ST6GALNAC3: variants seen among roughly 807,000 people sequenced by gnomAD.
The protein encoded by ST6GALNAC3 is ST6 N-acetylgalactosaminide alpha-2,6-sialyltransferase 3.
Under a neutral mutation model 32.7 loss-of-function variants are expected in ST6GALNAC3, and 25 were observed. The ratio of observed to expected loss-of-function variants is 0.76; its 90% CI spans 0.56 to 1.07. ST6GALNAC3 has a LOEUF of 1.07. ST6GALNAC3 is among the 50% of genes least tolerant of loss of function. ST6GALNAC3 has a pLI of 0.00. For synonymous variants in ST6GALNAC3, 129 were observed against 133.1 expected (o/e 0.97, Z 0.21); for missense variants, 355 against 382.4 (o/e 0.93, Z 0.60).
intron 2 of ST6GALNAC3, among the ~76,000 whole-genome samples, chr1:76,409,089 C>T (rs901396677): frequency 3.9e-5 from 6 of 152,110 alleles, no homozygotes; most frequent in East Asian, 1.9e-4. Flanking sequence ...TAAATCAATG[C>T]GTGACCCCAA....
At chr1:76,417,163 T>C (rs1294465851) in intron 3 of ST6GALNAC3, among the ~76,000 whole-genome samples, 2 of 151,662 alleles carry the variant, frequency 1.3e-5, no homozygotes, top group Non-Finnish European at 2.9e-5. Context: ...GCAGATAGAG[T>C]AGGTTGCTTT....
intron 3 of ST6GALNAC3, among the ~76,000 whole-genome samples, chr1:76,449,201 A>G (rs897504267): frequency 2.0e-5 from 3 of 152,212 alleles, no homozygotes; most frequent in Non-Finnish European, 4.4e-5. Context: ...GGCTTATTTC[A>G]CTTAGTAATA....
intron 2 of ST6GALNAC3, among the ~76,000 whole-genome samples, chr1:76,359,265 TATCA>T (rs1473968156): frequency 6.6e-6 from 1 of 152,198 alleles, no homozygotes; most frequent in African/African-American, 2.4e-5. Flanking sequence ...TATGTTGAAG[TATCA>T]ATCCTTTTAC....
At chr1:76,498,727 G>GAA (rs55682036) in intron 3 of ST6GALNAC3, among the ~76,000 whole-genome samples, 11 of 143,108 alleles carry the variant, frequency 7.7e-5, no homozygotes, top group African/African-American at 2.7e-4. Flanking sequence ...CAACAAAGCA[G>GAA]AAAAAAAAAA....
intron 3 of ST6GALNAC3, among the ~76,000 whole-genome samples, chr1:76,486,969 T>A (rs1210154440): frequency 1.3e-5 from 2 of 152,176 alleles, no homozygotes; most frequent in African/African-American, 4.8e-5. Flanking sequence ...GGATTTTATT[T>A]CTCCTTCATT....
chr1:76,131,046 T>C (rs1325879237), intron 1 of ST6GALNAC3, among the ~76,000 whole-genome samples: 1 of 152,192 alleles, frequency 6.6e-6, no homozygotes, highest in Non-Finnish European at 1.5e-5. Context: ...GATACCCAGA[T>C]GGGGTATGTG....
chr1:76,112,821 G>A (rs116833362), intron 1 of ST6GALNAC3, among the ~76,000 whole-genome samples: 35,351 of 151,370 alleles, frequency 0.23, 4,835 homozygotes, highest in Admixed American at 0.32. Context: ...AGATGGGTTG[G>A]TGGCGGGGCA....
chr1:76,547,815 C>CCACTG (rs2100338740), intron 3 of ST6GALNAC3, among the ~76,000 whole-genome samples: 1 of 150,510 alleles, frequency 6.6e-6, no homozygotes, highest in Non-Finnish European at 1.5e-5. Flanking sequence ...CAGGATCGCG[C>CCACTG]CACTGCACTG....
intron 2 of ST6GALNAC3, chr1:76,353,515 G>C (rs1570936004): frequency 6.6e-6 from 1 of 152,630 alleles, no homozygotes; most frequent in East Asian, 1.9e-4. Context: ...GCTGAGGTTA[G>C]ACTGGGGCCC....
intron 2 of ST6GALNAC3, among the ~76,000 whole-genome samples, chr1:76,371,934 A>G (rs1204297294): frequency 2.0e-5 from 3 of 152,140 alleles, no homozygotes; most frequent in Admixed American, 2.0e-4. Context: ...CCTTTTGGTT[A>G]AGGAGCACAA....
At chr1:76,452,751 A>G (rs1657500860) in intron 3 of ST6GALNAC3, among the ~76,000 whole-genome samples, 1 of 151,730 alleles carries the variant, frequency 6.6e-6, no homozygotes, top group Non-Finnish European at 1.5e-5. Flanking sequence ...TTTTTTTGTT[A>G]TGTCATTTCC....
intron 3 of ST6GALNAC3, among the ~76,000 whole-genome samples, chr1:76,531,910 G>A (rs1459779733): frequency 6.6e-6 from 1 of 152,160 alleles, no homozygotes; most frequent in Non-Finnish European, 1.5e-5. Flanking sequence ...CCTGGGGCAT[G>A]TGGAAAGTGA....
chr1:76,227,256 C>T (rs1001919880), intron 1 of ST6GALNAC3, among the ~76,000 whole-genome samples: 23 of 152,176 alleles, frequency 1.5e-4, no homozygotes, highest in Non-Finnish European at 7.3e-5. Flanking sequence ...TGGCTGTAAA[C>T]AACCAGCATG....
intron 3 of ST6GALNAC3, among the ~76,000 whole-genome samples, chr1:76,620,321 C>T (rs149713407): frequency 6.6e-6 from 1 of 151,964 alleles, no homozygotes; most frequent in Non-Finnish European, 1.5e-5. Flanking sequence ...GTGACTAGAC[C>T]AAAGAGTTTA....
intron 1 of ST6GALNAC3, among the ~76,000 whole-genome samples, chr1:76,079,990 A>G (rs1263095123): frequency 6.6e-6 from 1 of 152,106 alleles, no homozygotes; most frequent in African/African-American, 2.4e-5. Context: ...TTGACTATCA[A>G]ATGTTAGGGA....
rs1261718279 is a variant in ST6GALNAC3 at position 76,119,402 on chromosome 1, G to A, written c.18+44518G>A. On this transcript the variant is annotated intron_variant, in intron 1 of 4. Coordinates refer to ENST00000328299, the MANE Select transcript of ST6GALNAC3 (RefSeq NM_152996.4). ...ACTCTATAATGGTCCCATTCTACTG[G>A]ACATTGGTCAGACTGCCATGTTCCA... is the stretch of plus-strand genomic sequence containing the variant. Among the ~76,000 whole-genome samples the A allele has an allele frequency of 3.9e-5, 6 of 152,168 alleles. No homozygotes were observed. The South Asian group carries it at 1.0e-3, about 26-fold the overall frequency.
intron 1 of ST6GALNAC3, among the ~76,000 whole-genome samples, chr1:76,276,561 A>G (rs374338201): frequency 6.6e-6 from 1 of 152,092 alleles, no homozygotes; most frequent in African/African-American, 2.4e-5. Flanking sequence ...TTACTTATCT[A>G]TGTGTTGTTG....
intron 1 of ST6GALNAC3, among the ~76,000 whole-genome samples, chr1:76,265,604 A>G (rs1174810552): frequency 6.6e-6 from 1 of 152,174 alleles, no homozygotes; most frequent in East Asian, 1.9e-4. Flanking sequence ...AAGACTGAAA[A>G]TGAGACTCAG....
chr1:76,321,872 G>A (rs916155071), intron 2 of ST6GALNAC3, among the ~76,000 whole-genome samples: 2 of 152,170 alleles, frequency 1.3e-5, no homozygotes, highest in Non-Finnish European at 2.9e-5. Flanking sequence ...ATTGTTAGAT[G>A]AAAATTTCTC....
Sources: allele counts gnomAD v4.1 joint callset (sites outside exome capture counted in the v4.1 genomes callset), GRCh38; gene constraint gnomAD v4.1.1; transcripts MANE v1.5; gene names NCBI Gene and HGNC (gene_info 2026-07-23, HGNC 2026-07-21).